ITGA9: variants seen among roughly 807,000 people sequenced by gnomAD.
ITGA9 encodes the protein integrin alpha-9.
A neutral mutation model predicts 127.8 loss-of-function variants in ITGA9; 56 were observed. The observed-to-expected ratio is 0.44, with a 90% CI of 0.35 to 0.55. The LOEUF (loss-of-function observed/expected upper bound fraction) is 0.55. Ranked by LOEUF, ITGA9 falls within the 20% of genes least tolerant of loss-of-function variation. The pLI, the probability that ITGA9 is intolerant of heterozygous loss-of-function variation, is 0.00. For missense variants in ITGA9, 1,196 were observed against 1,347.1 expected (o/e 0.89, Z 1.76); for synonymous variants, 508 against 514.5 (o/e 0.99, Z 0.17).
intron 27 of ITGA9, 48 bp from the exon 28 acceptor site, chr3:37,818,843 G>A: frequency 6.9e-7 from 1 of 1,447,802 alleles, no homozygotes; most frequent in Non-Finnish European, 9.7e-7. Flanking sequence ...CACAATGGCT[G>A]ATTCTTCAGC....
chr3:37,610,377 T>G (rs902476876), intron 15 of ITGA9, among the ~76,000 whole-genome samples: 2 of 152,248 alleles, frequency 1.3e-5, no homozygotes, highest in Admixed American at 6.5e-5. Flanking sequence ...AAATAAAACT[T>G]ACCAAAATAG....
intron 15 of ITGA9, among the ~76,000 whole-genome samples, chr3:37,544,105 C>T (rs1187117189): frequency 6.6e-6 from 1 of 152,240 alleles, no homozygotes; most frequent in African/African-American, 2.4e-5. Flanking sequence ...CCTCTTCTTG[C>T]TAGGTCTGTT....
chr3:37,803,922 C>G lies in ITGA9; in HGVS notation c.2989C>G (p.Leu997Val). The G allele has an allele frequency of 1.2e-6, 2 of 1,614,192 alleles. No individual in the cohort carries two copies. The highest frequency in any genetic ancestry group is 1.7e-6 in the Non-Finnish European group (2 of 1,180,024). Residue 997 changes from leucine to valine, a missense_variant, in exon 27 of 28, where the codon CTG becomes GTG. Physicochemically the swap from Leu to Val is conservative, Grantham distance 32. Coordinates refer to ENST00000264741, the MANE Select transcript of ITGA9 (RefSeq NM_002207.3). ...LLVGILIFLL[L>V]AVLLWKMGFF... Reference sequence around the variant, plus strand: ...GGTGGGAATCCTCATCTTCCTGCTGCTGGCCGTGCTGCTCTGGAAGGTGAG... The same window carrying G: ...GGTGGGAATCCTCATCTTCCTGCTGGTGGCCGTGCTGCTCTGGAAGGTGAG...
At chr3:37,477,544 A>G (rs565104517) in intron 3 of ITGA9, among the ~76,000 whole-genome samples, 1 of 152,270 alleles carries the variant, frequency 6.6e-6, no homozygotes, top group African/African-American at 2.4e-5. Context: ...TTTCCCCAGA[A>G]ACAAATGATA....
At chr3:37,768,323 A>G (rs1265492762) in intron 23 of ITGA9, among the ~76,000 whole-genome samples, 1 of 152,190 alleles carries the variant, frequency 6.6e-6, no homozygotes, top group Non-Finnish European at 1.5e-5. Context: ...CTAATCAACC[A>G]GCTGGTATCA....
At chr3:37,527,608 C>G (rs1699106318) in intron 13 of ITGA9, among the ~76,000 whole-genome samples, 1 of 152,170 alleles carries the variant, frequency 6.6e-6, no homozygotes, top group South Asian at 2.1e-4. Context: ...GATAAAACAG[C>G]TTTTGTGGCT....
chr3:37,522,784 G>T (rs920750970), intron 11 of ITGA9, among the ~76,000 whole-genome samples: 36 of 152,192 alleles, frequency 2.4e-4, no homozygotes, highest in African/African-American at 8.7e-4. Context: ...AAGCATAGAT[G>T]CTAGTGTGTC....
At chr3:37,658,367 T>C (rs1439534907) in intron 17 of ITGA9, among the ~76,000 whole-genome samples, 2 of 152,236 alleles carry the variant, frequency 1.3e-5, no homozygotes, top group East Asian at 3.8e-4. Flanking sequence ...ATCTGTGTGC[T>C]CCTGTATTGG....
chr3:37,599,918 A>G (rs566576072), intron 15 of ITGA9, among the ~76,000 whole-genome samples: 4 of 152,208 alleles, frequency 2.6e-5, no homozygotes, highest in Admixed American at 1.3e-4. Flanking sequence ...AGGGGAGATC[A>G]TCACCTCTGT....
intron 1 of ITGA9, among the ~76,000 whole-genome samples, chr3:37,462,991 G>A (rs1253818597): frequency 6.6e-6 from 1 of 152,160 alleles, no homozygotes; most frequent in South Asian, 2.1e-4. Flanking sequence ...ACTCTTTAGG[G>A]CCTATTCTAC....
chr3:37,773,029 C>T (rs530200458), intron 23 of ITGA9, among the ~76,000 whole-genome samples: 49 of 152,338 alleles, frequency 3.2e-4, no homozygotes, highest in Middle Eastern at 3.4e-3. Flanking sequence ...CACTCGCTTG[C>T]CCTGCCTTTC....
chr3:37,782,557 C>T (rs1360456876), intron 25 of ITGA9, among the ~76,000 whole-genome samples: 1 of 152,192 alleles, frequency 6.6e-6, no homozygotes, highest in Non-Finnish European at 1.5e-5. Context: ...CTTCCAGGTG[C>T]AGAGAAAAGC....
At chr3:37,539,537 A>C (rs1699245779) in intron 14 of ITGA9, among the ~76,000 whole-genome samples, 1 of 152,278 alleles carries the variant, frequency 6.6e-6, no homozygotes, top group South Asian at 2.1e-4. Flanking sequence ...GTCTGAAAGC[A>C]GTCTAAAAGC....
At chr3:37,710,935 G>T (rs1701073137) in intron 18 of ITGA9, among the ~76,000 whole-genome samples, 1 of 152,216 alleles carries the variant, frequency 6.6e-6, no homozygotes, top group Non-Finnish European at 1.5e-5. Context: ...CTGTTGCTGT[G>T]TCACAAATCA....
At chr3:37,646,496 T>TG (rs1700378188) in intron 16 of ITGA9, among the ~76,000 whole-genome samples, 1 of 152,262 alleles carries the variant, frequency 6.6e-6, no homozygotes, top group African/African-American at 2.4e-5. Context: ...GGCCACTGGA[T>TG]GTCCAGTCTT....
intron 18 of ITGA9, among the ~76,000 whole-genome samples, chr3:37,689,958 T>C (rs556289489): frequency 5.3e-5 from 8 of 152,328 alleles, no homozygotes; most frequent in African/African-American, 1.9e-4. Context: ...GCCAAAGGCA[T>C]GTCAGTAAGC....
At chr3:37,541,565 C>A (rs1453925825) in intron 14 of ITGA9, among the ~76,000 whole-genome samples, 1 of 151,806 alleles carries the variant, frequency 6.6e-6, no homozygotes, top group African/African-American at 2.4e-5. Flanking sequence ...TTTCTTTCTT[C>A]TTTTTTTTAA....
At chr3:37,733,731 A>T (rs142019156) in intron 19 of ITGA9, among the ~76,000 whole-genome samples, 1 of 152,078 alleles carries the variant, frequency 6.6e-6, no homozygotes, top group Non-Finnish European at 1.5e-5. Context: ...ATGCACCTCG[A>T]TCTTGGACTT....
Position 37,639,134 on chromosome 3 carries a change from A to G in ITGA9, c.1839+9798A>G, listed in dbSNP as rs532506466. On this transcript the variant is annotated intron_variant, in intron 16 of 27. Transcript: ENST00000264741. Reference sequence around the variant, plus strand: ...ACATTGCACCTTCAAAATTTAAGGAAAGCAAAGACCTGCATCTGTCTCATC... The same window carrying G: ...ACATTGCACCTTCAAAATTTAAGGAGAGCAAAGACCTGCATCTGTCTCATC... Among the ~76,000 whole-genome samples, 5 of 152,336 alleles carry G rather than the reference A, an allele frequency of 3.3e-5. No individual in the cohort carries two copies. In the South Asian group the frequency reaches 8.3e-4, roughly 25 times the overall value.
Sources: allele counts gnomAD v4.1 joint callset (sites outside exome capture counted in the v4.1 genomes callset), GRCh38; gene constraint gnomAD v4.1.1; transcripts MANE v1.5; gene names NCBI Gene and HGNC (gene_info 2026-07-23, HGNC 2026-07-21).